OR56A3: variants seen among roughly 807,000 people sequenced by gnomAD.
The protein encoded by OR56A3 is olfactory receptor family 56 subfamily A member 3.
In OR56A3, 23 loss-of-function variants were observed where a neutral mutation model predicts 17.5. That is an observed-to-expected ratio of 1.32 (90% CI 0.95 to 1.87). OR56A3 has a LOEUF of 1.87. Among genes scored for constraint, OR56A3 ranks in the 40% most tolerant of loss-of-function variants. The probability of loss-of-function intolerance (pLI) is 0.00; values close to 1 mark genes in which losing one functional copy is unlikely to be tolerated. For synonymous variants in OR56A3, 175 were observed against 150.6 expected, an observed-to-expected ratio of 1.16 and a Z score of -1.19; for missense variants, 366 against 380.1, an observed-to-expected ratio of 0.96 and a Z score of 0.31.
chr11:6,007,182 A>C, the OR56A3 span, among the ~76,000 whole-genome samples: 1 of 152,228 alleles, frequency 6.6e-6, no homozygotes, highest in Non-Finnish European at 1.5e-5. Flanking sequence ...AATGGCATTC[A>C]TCTAGGTAAA....
At chr11:6,020,444 C>T in the OR56A3 span, 23 of 152,144 alleles carry the variant, frequency 1.5e-4, no homozygotes, top group African/African-American at 5.5e-4. Flanking sequence ...TCCATGAGCA[C>T]GGGATGTCTG....
chr11:5,973,521 T>A, the OR56A3 span, among the ~76,000 whole-genome samples: 1 of 152,230 alleles, frequency 6.6e-6, no homozygotes, highest in Non-Finnish European at 1.5e-5. Context: ...TAGAACCACC[T>A]TTTTTCAGTG....
chr11:5,987,703 C>T, the OR56A3 span, among the ~76,000 whole-genome samples: 3 of 152,144 alleles, frequency 2.0e-5, no homozygotes, highest in Non-Finnish European at 4.4e-5. Context: ...TAATCCTCAT[C>T]CCCTTTTATT....
At chr11:5,964,319 A>T in the OR56A3 span, among the ~76,000 whole-genome samples, 1 of 152,204 alleles carries the variant, frequency 6.6e-6, no homozygotes, top group East Asian at 1.9e-4. Context: ...ATGTCTGCCC[A>T]TTGAAAAGGT....
chr11:5,996,925 A>G, the OR56A3 span, among the ~76,000 whole-genome samples: 2 of 152,334 alleles, frequency 1.3e-5, no homozygotes, highest in Admixed American at 1.3e-4. Flanking sequence ...AGCAGGAAAG[A>G]GCACTGAGAG....
chr11:5,986,381 G>A, the OR56A3 span: 19 of 1,613,798 alleles, frequency 1.2e-5, no homozygotes, highest in Non-Finnish European at 1.5e-5. Flanking sequence ...CAGAAGATAA[G>A]TGTTCCCAAC....
chr11:5,974,705 G>C, the OR56A3 span, among the ~76,000 whole-genome samples: 1 of 152,160 alleles, frequency 6.6e-6, no homozygotes, highest in South Asian at 2.1e-4. Flanking sequence ...TAGGCTGTCT[G>C]GGTGAAAATC....
the OR56A3 span, among the ~76,000 whole-genome samples, chr11:5,984,166 A>G: frequency 6.6e-6 from 1 of 152,234 alleles, no homozygotes; most frequent in Non-Finnish European, 1.5e-5. Flanking sequence ...TTTTCTAATT[A>G]TGACTTACCA....
At chr11:5,998,160 T>G in the OR56A3 span, among the ~76,000 whole-genome samples, 1 of 152,312 alleles carries the variant, frequency 6.6e-6, no homozygotes, top group East Asian at 1.9e-4. Flanking sequence ...GGGTGAGATT[T>G]TACCTATGTC....
At chr11:6,020,621 G>A in the OR56A3 span, 4 of 152,082 alleles carry the variant, frequency 2.6e-5, no homozygotes, top group African/African-American at 9.7e-5. Context: ...GGCTGTTGTT[G>A]TTATGTAGGA....
At chr11:5,986,237 T>C in the OR56A3 span, 2 of 1,613,662 alleles carry the variant, frequency 1.2e-6, no homozygotes, top group African/African-American at 2.7e-5. Context: ...GAAACACCAA[T>C]GGCCAGAACA....
chr11:5,957,786 C>T, the OR56A3 span, among the ~76,000 whole-genome samples: 2 of 152,118 alleles, frequency 1.3e-5, no homozygotes, highest in African/African-American at 4.8e-5. Context: ...GTTTTCTCTT[C>T]CAAGTGCTAG....
chr11:5,985,986 C>A, the OR56A3 span: 1 of 1,612,138 alleles, frequency 6.2e-7, no homozygotes, highest in Non-Finnish European at 8.5e-7. Flanking sequence ...GGCGGATCTG[C>A]TGAGTCTTCA....
the OR56A3 span, among the ~76,000 whole-genome samples, chr11:5,993,498 C>T: frequency 6.6e-6 from 1 of 152,132 alleles, no homozygotes; most frequent in Non-Finnish European, 1.5e-5. Flanking sequence ...CTCCTAGACT[C>T]AGTTTTCCTC....
the OR56A3 span, among the ~76,000 whole-genome samples, chr11:5,978,665 A>G: frequency 1.3e-5 from 2 of 151,958 alleles, no homozygotes; most frequent in African/African-American, 4.8e-5. Context: ...CTGTGAAGAG[A>G]GATAGTTTGA....
the OR56A3 span, among the ~76,000 whole-genome samples, chr11:6,008,660 T>C: frequency 4.6e-5 from 7 of 152,038 alleles, no homozygotes; most frequent in Admixed American, 3.9e-4. Context: ...TTTCAATACA[T>C]GGTAGTTGCG....
At chr11:5,986,244 A>C in the OR56A3 span, 3 of 1,613,866 alleles carry the variant, frequency 1.9e-6, no homozygotes, top group Non-Finnish European at 2.5e-6. Flanking sequence ...CAATGGCCAG[A>C]ACATCCAGCC....
chr11:5,988,951 G>A, the OR56A3 span, among the ~76,000 whole-genome samples: 1 of 152,218 alleles, frequency 6.6e-6, no homozygotes, highest in East Asian at 1.9e-4. Context: ...AGTCAAGAAT[G>A]ACTTAGTTCT....
chr11:6,002,829 T>C, the OR56A3 span: 1 of 1,613,764 alleles, frequency 6.2e-7, no homozygotes, highest in Middle Eastern at 1.7e-4. Context: ...CAGAGAGGCC[T>C]CCAGCTGGAT....
Sources: allele counts gnomAD v4.1 joint callset (sites outside exome capture counted in the v4.1 genomes callset), GRCh38; gene constraint gnomAD v4.1.1; transcripts MANE v1.5; gene names NCBI Gene and HGNC (gene_info 2026-07-23, HGNC 2026-07-21).